Variants in EHD2 observed in about 807,000 individuals in gnomAD.
EHD2 encodes the protein EH domain-containing protein 2.
A neutral mutation model predicts 41.0 loss-of-function variants in EHD2; 27 were observed. That is an observed-to-expected ratio of 0.66 (90% CI 0.49 to 0.91). The LOEUF is 0.91. EHD2 is among the 40% of genes least tolerant of loss of function. The pLI is 0.00. For missense variants in EHD2, 673 were observed against 773.9 expected (o/e 0.87, Z 1.55); for synonymous variants, 342 against 341.0 (o/e 1.00, Z -0.03).
At chr19:47,721,162 GGGGTGTGT>G (rs142920846) in intron 3 of EHD2, among the ~76,000 whole-genome samples, 10,440 of 138,234 alleles carry the variant, frequency 0.076, 476 homozygotes, top group East Asian at 0.17. Flanking sequence ...TGTGCTACTG[GGGGTGTGT>G]GTGTGTGTGT....
intron 4 of EHD2, among the ~76,000 whole-genome samples, chr19:47,734,159 A>T (rs573929243): frequency 1.3e-5 from 2 of 152,158 alleles, no homozygotes; most frequent in Admixed American, 1.3e-4. Flanking sequence ...GTGGCCACTG[A>T]GGTGGAGAGA....
chr19:47,720,086 G>A (rs1973679600), intron 3 of EHD2, among the ~76,000 whole-genome samples: 1 of 151,068 alleles, frequency 6.6e-6, no homozygotes, highest in Non-Finnish European at 1.5e-5. Flanking sequence ...CTCTGAGGTT[G>A]TATGACTTTG....
chr19:47,728,546 T>C (rs1218342823), intron 4 of EHD2, among the ~76,000 whole-genome samples: 1 of 150,332 alleles, frequency 6.7e-6, no homozygotes, highest in Non-Finnish European at 1.5e-5. Flanking sequence ...TCTTTCTTTC[T>C]CTTTCTCTTT....
rs1406943929 is a variant in EHD2, at chr19:47,741,526, T to C, written c.*94T>C. 5.0e-6 allele frequency: 7 copies of C among 1,392,806 alleles called. No homozygotes were observed. Among genetic ancestry groups the C allele is most frequent in the Non-Finnish European group, 5.8e-6 (6 of 1,038,214 alleles). 86.3% of individuals were successfully genotyped at this position (1,392,806 alleles called of 1,614,324 possible). ...CGGCTCACACACGCCCTGCCTGCCCTCCCTGCCCAGCTGTAAGGACCGGGG... is the reference window on the plus strand; with the variant it reads ...CGGCTCACACACGCCCTGCCTGCCCCCCCTGCCCAGCTGTAAGGACCGGGG... On this transcript the variant is annotated 3_prime_UTR_variant, in exon 6 of 6. Transcript: ENST00000263277. This position sits in a 1 kb window ranked among gnomAD's most constrained non-coding sequence, Gnocchi z 4.5.
In EHD2 at chr19:47,719,630, C is replaced by CTGGGG. The variant is rs1332056682; in HGVS notation, c.502+1035_502+1039dup. ...GGAGGCCCTGGCGAGAAGGCTGGGC[C>CTGGGG]TGGGGTGGGGTGGGGACGCTGGGGG... is the stretch of plus-strand genomic sequence containing the variant. On this transcript the variant is annotated intron_variant, in intron 3 of 5. Transcript: ENST00000263277. This position sits in a 1 kb window ranked among gnomAD's most constrained non-coding sequence, Gnocchi z 4.1. Among the ~76,000 whole-genome samples, 1 of 152,032 alleles carries CTGGGG rather than the reference C, an allele frequency of 6.6e-6. No homozygotes were observed. Among genetic ancestry groups the CTGGGG allele is most frequent in the Non-Finnish European group, 1.5e-5 (1 of 67,974 alleles).
chr19:47,739,092 T>TC (rs768760525), intron 5 of EHD2, among the ~76,000 whole-genome samples: 4 of 151,394 alleles, frequency 2.6e-5, no homozygotes, highest in East Asian at 1.9e-4. Flanking sequence ...CTTTTTTCTC[T>TC]CCCCCCCTGC....
chr19:47,719,235 G>A lies in EHD2; in HGVS notation c.502+629G>A, dbSNP rs1284318367. Among the ~76,000 whole-genome samples the A allele has an allele frequency of 6.6e-6, 1 of 152,118 alleles. No individual in the cohort carries two copies. On this transcript the variant is annotated intron_variant, in intron 3 of 5. Coordinates refer to ENST00000263277, the MANE Select transcript of EHD2 (RefSeq NM_014601.4). This position sits in a 1 kb window ranked among gnomAD's most constrained non-coding sequence, Gnocchi z 4.1. ...GATTCCGAGGCAGTGAGACAGCGAC[G>A]CAGGGAGACACAAGGCCTGGAGATG...
In EHD2 at chr19:47,742,012, G is replaced by C. The variant is rs184678991; in HGVS notation, c.*580G>C. ...CGGCTCCATCACATCCTCAGGTCTC[G>C]GGACCATGGGGGGCTCAGAGGGGAG... On this transcript the variant is annotated 3_prime_UTR_variant, in exon 6 of 6. Coordinates refer to ENST00000263277, the MANE Select transcript of EHD2 (RefSeq NM_014601.4). 1.2e-4 allele frequency: 55 copies of C among 452,084 alleles called. No individual in the cohort carries two copies. In the East Asian group the frequency reaches 2.6e-3, roughly 21 times the overall value. The allele number at this position is 452,084 out of a possible 1,614,324, so 28.0% of individuals were successfully genotyped here.
At chr19:47,729,856 C>A (rs1440421536) in intron 4 of EHD2, among the ~76,000 whole-genome samples, 2 of 151,958 alleles carry the variant, frequency 1.3e-5, no homozygotes, top group South Asian at 4.1e-4. Context: ...TCCTTTCTAC[C>A]TCTCTCTCAG....
At chr19:47,721,233 G>A (rs1169905328) in intron 3 of EHD2, among the ~76,000 whole-genome samples, 1 of 151,934 alleles carries the variant, frequency 6.6e-6, no homozygotes, top group Non-Finnish European at 1.5e-5. Context: ...CTGCATGTAA[G>A]ATGTGTGAAC....
At chr19:47,725,656 G>T (rs976629616) in intron 3 of EHD2, among the ~76,000 whole-genome samples, 156 bp from the exon 4 acceptor site, 11 of 152,202 alleles carry the variant, frequency 7.2e-5, no homozygotes. Context: ...CCCACTGAGG[G>T]CCTTGGCTAT....
At chr19:47,722,118 C>T (rs1432187562) in intron 3 of EHD2, among the ~76,000 whole-genome samples, 1 of 151,348 alleles carries the variant, frequency 6.6e-6, no homozygotes, top group Non-Finnish European at 1.5e-5. Context: ...TTAAAACATA[C>T]AAAGCACTTA....
chr19:47,725,631 G>C (rs549378645), intron 3 of EHD2, among the ~76,000 whole-genome samples, 181 bp from the exon 4 acceptor site: 8 of 152,334 alleles, frequency 5.3e-5, no homozygotes, highest in Admixed American at 3.3e-4. Context: ...GCACTGGAGA[G>C]CCAGAGCAGT....
At chr19:47,715,078 TAAA>T (rs549248174) in intron 1 of EHD2, among the ~76,000 whole-genome samples, 1 of 139,652 alleles carries the variant, frequency 7.2e-6, no homozygotes, top group African/African-American at 2.7e-5. Context: ...AATAAATAAA[TAAA>T]AAGAAAGAAA....
At chr19:47,731,280 A>AAAATATATATATATATG in intron 4 of EHD2, 1 of 54,720 alleles carries the variant, frequency 1.8e-5, no homozygotes, top group South Asian at 8.8e-4. Context: ...AAAAAAAAAA[A>AAAATATATATATATATG]TATATATATA....
At chr19:47,737,219 G>A (rs1326668002) in intron 5 of EHD2, among the ~76,000 whole-genome samples, 19 of 136,140 alleles carry the variant, frequency 1.4e-4, no homozygotes, top group South Asian at 2.3e-4. Flanking sequence ...CAAAAAGAGC[G>A]AGACTCCGTC....
intron 4 of EHD2, chr19:47,731,279 A>AAAAAAAAAAAAATATATAT: frequency 1.6e-5 from 1 of 60,932 alleles, no homozygotes; most frequent in African/African-American, 4.9e-5. Flanking sequence ...AAAAAAAAAA[A>AAAAAAAAAAAAATATATAT]ATATATATAT....
chr19:47,741,417 G>A lies in EHD2; in HGVS notation c.1617G>A (p.Lys539=). The A allele has an allele frequency of 6.4e-7, 1 of 1,562,270 alleles. No individual in the cohort carries two copies. The highest frequency in any genetic ancestry group is 2.3e-5 in the East Asian group (1 of 43,446). The change falls in exon 6 of 6, where the codon AAG becomes AAA. Residue 539 remains lysine, a synonymous_variant. Transcript: ENST00000263277. The surrounding 1 kb of genome is among the most constrained non-coding windows in gnomAD (Gnocchi z 4.5). ...TGCCACCCTCCAAGCGACGCCACAA[G>A]GGCTCCGCCGAGTGAGCCGGCCCCC... ...RLVPPSKRRH[K]GSAE
At position 47,741,347 on chromosome 19, in the gene EHD2, A is replaced by G. The variant is rs763909646; in HGVS notation, c.1547A>G (p.Lys516Arg). Reference protein sequence around the residue: ...FALASHLIEAKLEGHGLPANL... With the variant: ...FALASHLIEARLEGHGLPANL... Reference sequence around the variant, plus strand: ...CTGGCCAGCCACCTCATCGAGGCCAAGCTGGAAGGCCACGGGCTGCCCGCC... The same window carrying G: ...CTGGCCAGCCACCTCATCGAGGCCAGGCTGGAAGGCCACGGGCTGCCCGCC... Residue 516 changes from lysine to arginine, a missense_variant, in exon 6 of 6, where the codon AAG becomes AGG. Transcript: ENST00000263277. This position sits in a 1 kb window ranked among gnomAD's most constrained non-coding sequence, Gnocchi z 4.5. 46 of 1,611,354 alleles carry G rather than the reference A, an allele frequency of 2.9e-5. No homozygotes were observed. Among genetic ancestry groups the G allele is most frequent in the Non-Finnish European group, 3.4e-5 (40 of 1,179,766 alleles).
Sources: allele counts gnomAD v4.1 joint callset (sites outside exome capture counted in the v4.1 genomes callset), GRCh38; gene constraint gnomAD v4.1.1; non-coding constraint Gnocchi (gnomAD v3.1); transcripts MANE v1.5; gene names NCBI Gene and HGNC (gene_info 2026-07-23, HGNC 2026-07-21).